The following LAMC2 variants were observed in gnomAD, a reference collection of about 807,000 sequenced individuals.
The protein encoded by LAMC2 is laminin subunit gamma-2.
LAMC2 carries 97 observed loss-of-function variants against 140.2 expected under a neutral mutation model. The observed-to-expected ratio is 0.69, with a 90% CI of 0.59 to 0.82. The LOEUF is 0.82. Among genes scored for constraint, LAMC2 ranks in the 40% least tolerant of loss-of-function variants. LAMC2 has a pLI of 0.00. For synonymous variants in LAMC2, 513 were observed against 540.2 expected, an observed-to-expected ratio of 0.95 and a Z score of 0.70; for missense variants, 1,402 against 1,476.1, an observed-to-expected ratio of 0.95 and a Z score of 0.82.
In LAMC2 at chr1:183,231,094, G is replaced by A; in HGVS notation, c.1848G>A (p.Val616=). The A allele has an allele frequency of 3.7e-6, 6 of 1,614,124 alleles. No homozygotes were observed. Among genetic ancestry groups the A allele is most frequent in the Non-Finnish European group, 5.1e-6 (6 of 1,180,008 alleles). The stretch of plus-strand genomic sequence containing the variant: ...GCTGTCCAGCTTGCTATAATCAAGT[G>A]AAGATTCAGGTATGCATTCTTCCCC... ...AFSCPACYNQ[V]KIQMDQFMQQ... Residue 616 remains valine, a synonymous_variant, in exon 12 of 23, where the codon GTG becomes GTA. Coordinates refer to ENST00000264144, the MANE Select transcript of LAMC2 (RefSeq NM_005562.3).
chr1:183,245,505 T>G (rs1034439958), downstream of LAMC2, among the ~76,000 whole-genome samples: 5 of 152,144 alleles, frequency 3.3e-5, no homozygotes, highest in African/African-American at 4.8e-5. Context: ...TAAGGTTGCC[T>G]GGGGGATGGA....
At chr1:183,222,040 TA>T in intron 5 of LAMC2, 48 bp from the exon 6 acceptor site, 1 of 1,613,054 alleles carries the variant, frequency 6.2e-7, no homozygotes, top group Non-Finnish European at 8.5e-7. Flanking sequence ...TTTAACTTAA[TA>T]GATGATGAGG....
rs1229007262 is a variant in LAMC2 at position 183,222,131 on chromosome 1, C to A, written c.683C>A (p.Ala228Glu). The change falls in exon 6 of 23, where the codon GCA becomes GAA. Residue 228 changes from alanine (A) to glutamate (E), a missense_variant. By Grantham distance (107) the Ala-to-Glu change is moderately radical. Transcript: ENST00000264144. ...GCTGTCCAACGAAATGGGTCTCCTG[C>A]AAAGCTCCAATGGTCACAGCGCCAT... ...WKAVQRNGSPAKLQWSQRHQD... is the reference protein window; with the variant it reads ...WKAVQRNGSPEKLQWSQRHQD... The A allele has an allele frequency of 3.1e-6, 5 of 1,614,032 alleles. No individual in the cohort carries two copies.
chr1:183,212,886 A>G (rs748586190), intron 2 of LAMC2, among the ~76,000 whole-genome samples: 9 of 152,154 alleles, frequency 5.9e-5, no homozygotes, highest in Non-Finnish European at 1.3e-4. Context: ...TCTCTCCCTC[A>G]TCATTCCTAA....
In LAMC2 at chr1:183,239,386, C is replaced by T. The variant is rs147657304; in HGVS notation, c.2892C>T (p.Asn964=). The T allele has an allele frequency of 1.5e-3, 2,418 of 1,614,000 alleles. 4 individuals are homozygous for T. Among genetic ancestry groups the T allele is most frequent in the Non-Finnish European group, 1.9e-3 (2,291 of 1,180,024 alleles). The change falls in exon 20 of 23, where the codon AAC becomes AAT. Residue 964 remains asparagine, a synonymous_variant. Transcript: ENST00000264144. ...NLREFDLQVD[N]RKAEAEEAMK... is the part of the protein sequence containing the mutation. The stretch of plus-strand genomic sequence containing the variant: ...CAGAGTTTGACCTGCAGGTGGACAA[C>T]AGAAAAGCAGAAGCTGAAGAAGCCA...
chr1:183,251,402 C>T, the LAMC2 span: 2 of 152,300 alleles, frequency 1.3e-5, no homozygotes, highest in African/African-American at 2.4e-5. Flanking sequence ...CCTAGTTCAT[C>T]CTGGACTTAC....
intron 1 of LAMC2, among the ~76,000 whole-genome samples, chr1:183,197,582 A>C (rs1658559100): frequency 6.6e-6 from 1 of 152,024 alleles, no homozygotes; most frequent in African/African-American, 2.4e-5. Context: ...AGGCTGAGGC[A>C]GGAGAATGGC....
At position 183,226,894 on chromosome 1, in the gene LAMC2, AG is replaced by A; in HGVS notation, c.1267del (p.Ala423ProfsTer50). 1 of 1,613,424 alleles carries A rather than the reference AG, an allele frequency of 6.2e-7. No individual in the cohort carries two copies. ...GTATTCCTTGTAACTGTCAAGGGGG[AG>A]GGGCCTGTGATCCAGACACAGGTGA... ...TCIPCNCQGG[G>X]ACDPDTGDCY... On this transcript the variant is annotated frameshift_variant, in exon 9 of 23. Transcript: ENST00000264144. LOFTEE classifies it high-confidence loss of function.
intron 2 of LAMC2, among the ~76,000 whole-genome samples, chr1:183,212,073 G>A (rs758317992): frequency 2.6e-5 from 4 of 152,052 alleles, no homozygotes; most frequent in Non-Finnish European, 5.9e-5. Flanking sequence ...AAATAAGTCA[G>A]TCATATTCAG....
intron 14 of LAMC2, among the ~76,000 whole-genome samples, chr1:183,233,989 C>T (rs1659874916): frequency 1.3e-5 from 2 of 151,348 alleles, no homozygotes; most frequent in South Asian, 2.1e-4. Context: ...CAGGTTCAGG[C>T]GATTCTCCTG....
downstream of LAMC2, among the ~76,000 whole-genome samples, chr1:183,247,981 G>C (rs1660274433): frequency 6.6e-6 from 1 of 152,220 alleles, no homozygotes; most frequent in South Asian, 2.1e-4. Flanking sequence ...AATTAGTCAA[G>C]ATGTAAGATT....
At chr1:183,250,314 G>C in the LAMC2 span, 2 of 152,156 alleles carry the variant, frequency 1.3e-5, no homozygotes, top group African/African-American at 4.8e-5. Context: ...TCCGCTTCTG[G>C]GATTTCTTCC....
intron 2 of LAMC2, among the ~76,000 whole-genome samples, chr1:183,210,485 A>C (rs1659037243): frequency 6.6e-6 from 1 of 152,250 alleles, no homozygotes; most frequent in Non-Finnish European, 1.5e-5. Context: ...ACTGAGACCT[A>C]GAAAAATTAA....
intron 1 of LAMC2, among the ~76,000 whole-genome samples, chr1:183,193,680 A>G (rs1039802519): frequency 3.3e-5 from 5 of 152,196 alleles, no homozygotes; most frequent in African/African-American, 1.2e-4. Context: ...TGCCCTATCC[A>G]GGCAGTTGTA....
At chr1:183,197,035 C>A (rs1479267343) in intron 1 of LAMC2, among the ~76,000 whole-genome samples, 1 of 152,140 alleles carries the variant, frequency 6.6e-6, no homozygotes, top group Admixed American at 6.5e-5. Context: ...AGGAAAGAAA[C>A]TACAGAATAT....
At chr1:183,223,025 C>A in intron 6 of LAMC2, 110 bp from the exon 7 acceptor site, 1 of 934,048 alleles carries the variant, frequency 1.1e-6, no homozygotes, top group South Asian at 1.4e-5. Context: ...AGTTTTGGGG[C>A]AGCATGACAC....
the LAMC2 span, among the ~76,000 whole-genome samples, chr1:183,253,802 T>C: frequency 6.6e-6 from 1 of 152,344 alleles, no homozygotes; most frequent in African/African-American, 2.4e-5. Flanking sequence ...TATTTTTATT[T>C]CTGTGTCTGG....
the LAMC2 span, among the ~76,000 whole-genome samples, chr1:183,254,831 T>C: frequency 3.3e-5 from 5 of 152,238 alleles, no homozygotes; most frequent in Non-Finnish European, 5.9e-5. Flanking sequence ...CTATCTGATA[T>C]ATGATTTGAA....
chr1:183,228,307 A>G lies in LAMC2; in HGVS notation c.1469-67A>G. 2 of 1,607,188 alleles carry G rather than the reference A, an allele frequency of 1.2e-6. No homozygotes were observed. Among genetic ancestry groups the G allele is most frequent in the Non-Finnish European group, 8.5e-7 (1 of 1,174,162 alleles). ...CTTCTAGAGGGTGACTCGCAACTTT[A>G]GGCCTCTGCGTCTGGTCTTCCTCCT... On this transcript the variant is annotated intron_variant, in intron 10 of 22. Coordinates refer to ENST00000264144, the MANE Select transcript of LAMC2 (RefSeq NM_005562.3). This position sits in a 1 kb window ranked among gnomAD's most constrained non-coding sequence, Gnocchi z 4.3.
Sources: gnomAD v4.1 joint callset for allele counts (sites outside exome capture counted in the v4.1 genomes callset) on GRCh38, gnomAD v4.1.1 for gene constraint, Gnocchi (gnomAD v3.1) non-coding constraint, MANE v1.5 for transcripts, NCBI Gene and HGNC (gene_info 2026-07-23, HGNC 2026-07-21) for gene names.